The following TRAPPC9 variants were observed in gnomAD, a reference collection of about 807,000 sequenced individuals.
The protein encoded by TRAPPC9 is trafficking protein particle complex subunit 9, also known as IKK2 binding protein.
In TRAPPC9, 83 loss-of-function variants were observed where a neutral mutation model predicts 124.0. The ratio of observed to expected loss-of-function variants is 0.67; its 90% CI spans 0.56 to 0.80. TRAPPC9 has a LOEUF of 0.80. TRAPPC9 is among the 30% of genes least tolerant of loss of function. The pLI, the probability that TRAPPC9 is intolerant of heterozygous loss-of-function variation, is 0.00. For missense variants in TRAPPC9, 1,302 were observed against 1,508.3 expected, an observed-to-expected ratio of 0.86 and a Z score of 2.27; for synonymous variants, 638 against 617.5, an observed-to-expected ratio of 1.03 and a Z score of -0.49.
chr8:140,058,293 A>G (rs1317900482), intron 17 of TRAPPC9, among the ~76,000 whole-genome samples: 10 of 152,150 alleles, frequency 6.6e-5, no homozygotes, highest in Non-Finnish European at 1.5e-5. Context: ...ACTAGTTCCA[A>G]AATGCCCTCC....
In TRAPPC9 at chr8:139,728,043, G is replaced by T. The variant is rs939265896; in HGVS notation, c.*3018C>A. Among the ~76,000 whole-genome samples, 2 of 152,048 alleles carry T rather than the reference G, an allele frequency of 1.3e-5. No individual in the cohort carries two copies. The highest frequency in any genetic ancestry group is 2.9e-5 in the Non-Finnish European group (2 of 68,020). ...CATGTGCTAAAAAAAAATCTAGGAGGTTAAATCAAATAAACTGATATGAAA... is the reference window on the plus strand; with the variant it reads ...CATGTGCTAAAAAAAAATCTAGGAGTTTAAATCAAATAAACTGATATGAAA... On this transcript the variant is annotated 3_prime_UTR_variant, in exon 23 of 23. Transcript: ENST00000438773.
At chr8:140,042,164 G>A (rs1371658988) in intron 17 of TRAPPC9, among the ~76,000 whole-genome samples, 1 of 151,902 alleles carries the variant, frequency 6.6e-6, no homozygotes, top group Non-Finnish European at 1.5e-5. Flanking sequence ...TATTTAAGGA[G>A]AGAAATAATA....
chr8:140,246,414 G>A (rs2063989217), intron 16 of TRAPPC9, among the ~76,000 whole-genome samples: 1 of 152,238 alleles, frequency 6.6e-6, no homozygotes. Flanking sequence ...CTCGGACACT[G>A]TACAAGGCTA....
intron 17 of TRAPPC9, among the ~76,000 whole-genome samples, chr8:140,201,866 C>T (rs1290996644): frequency 6.6e-6 from 1 of 152,062 alleles, no homozygotes; most frequent in Non-Finnish European, 1.5e-5. Context: ...GCAGCAGTGC[C>T]GTGTCAGGCG....
At chr8:139,992,229 C>T (rs962080560) in intron 18 of TRAPPC9, among the ~76,000 whole-genome samples, 2 of 151,804 alleles carry the variant, frequency 1.3e-5, no homozygotes, top group East Asian at 1.9e-4. Flanking sequence ...AATATATGCA[C>T]GATATTTATG....
chr8:140,233,573 CCTCT>C (rs770016508), intron 16 of TRAPPC9, among the ~76,000 whole-genome samples: 35 of 138,598 alleles, frequency 2.5e-4, no homozygotes, highest in Non-Finnish European at 4.6e-4. Flanking sequence ...ACACACACTT[CCTCT>C]CTCTCTCTCT....
intron 7 of TRAPPC9, among the ~76,000 whole-genome samples, chr8:140,395,134 G>A (rs993733362): frequency 1.3e-5 from 2 of 152,180 alleles, no homozygotes; most frequent in South Asian, 2.1e-4. Context: ...TGCAAGATAC[G>A]GACCTCTTCC....
chr8:139,957,866 T>C (rs2614734), intron 19 of TRAPPC9, among the ~76,000 whole-genome samples: 136,053 of 152,282 alleles, frequency 0.89, 60,930 homozygotes, highest in Middle Eastern at 0.99. Context: ...CCTCTTCGTC[T>C]TCTCCAAAGG....
chr8:140,445,780 T>C (rs1049454419), intron 2 of TRAPPC9, among the ~76,000 whole-genome samples: 6 of 152,198 alleles, frequency 3.9e-5, no homozygotes, highest in Non-Finnish European at 8.8e-5. Context: ...AAAGAAAGTG[T>C]TGGTACTTGG....
At chr8:140,275,152 T>C (rs1421646717) in intron 15 of TRAPPC9, among the ~76,000 whole-genome samples, 1 of 152,098 alleles carries the variant, frequency 6.6e-6, no homozygotes, top group Non-Finnish European at 1.5e-5. Flanking sequence ...ACCCCCCCTA[T>C]TTATCCAAGA....
intron 7 of TRAPPC9, among the ~76,000 whole-genome samples, chr8:140,371,831 G>GTAGCTGAGATTACAAGCACCCACCCC (rs1405343389): frequency 2.6e-5 from 4 of 152,108 alleles, no homozygotes; most frequent in Admixed American, 2.0e-4. Context: ...ATCCTCCAGT[G>GTAGCTGAGATTACAAGCACCCACCCC]TAGCTGAGAT....
intron 19 of TRAPPC9, among the ~76,000 whole-genome samples, chr8:139,954,729 C>G (rs1462068284): frequency 1.3e-5 from 2 of 152,172 alleles, no homozygotes; most frequent in Non-Finnish European, 2.9e-5. Flanking sequence ...CAATAAGGAA[C>G]AAAGGTAGAG....
intron 2 of TRAPPC9, among the ~76,000 whole-genome samples, chr8:140,440,753 T>A (rs1254630992): frequency 6.6e-6 from 1 of 151,862 alleles, no homozygotes; most frequent in African/African-American, 2.4e-5. Flanking sequence ...AGCTAGCCCC[T>A]CCCACGGCTC....
At chr8:139,962,411 A>G (rs1489782000) in intron 19 of TRAPPC9, among the ~76,000 whole-genome samples, 1 of 125,524 alleles carries the variant, frequency 8.0e-6, no homozygotes, top group African/African-American at 2.5e-5. Flanking sequence ...AGGTGTAAGA[A>G]CACAAGTTGT....
chr8:139,943,366 C>G lies in TRAPPC9; in HGVS notation c.2811-33066G>C, dbSNP rs573186464. Reference sequence around the variant, plus strand: ...ACAGGCATGAACCACTGTGCCCAGCCGAGGTGGAGTTTTCAATTACAGTCC... The same window carrying G: ...ACAGGCATGAACCACTGTGCCCAGCGGAGGTGGAGTTTTCAATTACAGTCC... On this transcript the variant is annotated intron_variant, in intron 19 of 22. Transcript: ENST00000438773. 3.3e-5 allele frequency among the ~76,000 whole-genome samples: 5 copies of G among 152,250 alleles called. No individual in the cohort carries two copies. In the East Asian group the frequency reaches 7.7e-4, roughly 24 times the overall value.
At chr8:139,747,992 G>A (rs1266909020) in intron 21 of TRAPPC9, among the ~76,000 whole-genome samples, 2 of 51,648 alleles carry the variant, frequency 3.9e-5, no homozygotes, top group East Asian at 1.3e-3. Context: ...AGATGCAGGG[G>A]GTATACACAG....
At chr8:140,093,327 A>T (rs1244148514) in intron 17 of TRAPPC9, among the ~76,000 whole-genome samples, 1 of 152,192 alleles carries the variant, frequency 6.6e-6, no homozygotes, top group Non-Finnish European at 1.5e-5. Flanking sequence ...GATTCCCAGC[A>T]GATGGTGACC....
At chr8:139,921,482 C>T (rs1460942821) in intron 19 of TRAPPC9, among the ~76,000 whole-genome samples, 2 of 152,110 alleles carry the variant, frequency 1.3e-5, no homozygotes, top group Admixed American at 6.5e-5. Context: ...GTAAGTGCTA[C>T]GATACAGAAC....
intron 5 of TRAPPC9, among the ~76,000 whole-genome samples, chr8:140,425,282 T>C (rs1219537549): frequency 6.6e-6 from 1 of 152,198 alleles, no homozygotes; most frequent in African/African-American, 2.4e-5. Flanking sequence ...CGCTCTCCCA[T>C]TGGTAAAGAG....
Sources: gnomAD v4.1 joint callset for allele counts (sites outside exome capture counted in the v4.1 genomes callset) on GRCh38, gnomAD v4.1.1 for gene constraint, MANE v1.5 for transcripts, NCBI Gene and HGNC (gene_info 2026-07-23, HGNC 2026-07-21) for gene names.